The following SPAG16 variants were observed in gnomAD, a reference collection of about 807,000 sequenced individuals.
SPAG16 encodes the protein sperm-associated antigen 16 protein.
SPAG16 carries 86 observed loss-of-function variants against 80.4 expected under a neutral mutation model. The ratio of observed to expected loss-of-function variants is 1.07; its 90% confidence interval spans 0.90 to 1.28. The LOEUF is 1.28. Ranked by LOEUF, SPAG16 falls within the 50% of genes most tolerant of loss-of-function variation. The pLI is 0.00. For synonymous variants in SPAG16, 294 were observed against 265.9 expected, an observed-to-expected ratio of 1.11 and a Z score of -1.03; for missense variants, 870 against 765.3, an observed-to-expected ratio of 1.14 and a Z score of -1.61.
At chr2:213,551,048 C>A (rs62192353) in intron 10 of SPAG16, among the ~76,000 whole-genome samples, 8 of 151,910 alleles carry the variant, frequency 5.3e-5, no homozygotes, top group Non-Finnish European at 1.2e-4. Flanking sequence ...TTTTCCTAAC[C>A]GTAATAGTCA....
intron 10 of SPAG16, among the ~76,000 whole-genome samples, chr2:213,721,347 C>A (rs2125395596): frequency 6.6e-6 from 1 of 152,258 alleles, no homozygotes; most frequent in African/African-American, 2.4e-5. Context: ...GATCTGCACA[C>A]TTCGGCCTCC....
At chr2:213,546,800 G>T (rs981221245) in intron 10 of SPAG16, among the ~76,000 whole-genome samples, 1 of 152,134 alleles carries the variant, frequency 6.6e-6, no homozygotes, top group Non-Finnish European at 1.5e-5. Flanking sequence ...ACTTGTAACG[G>T]TTAGTAGGGG....
chr2:214,296,023 G>A (rs1694105816), intron 15 of SPAG16, among the ~76,000 whole-genome samples: 1 of 152,074 alleles, frequency 6.6e-6, no homozygotes, highest in Admixed American at 6.6e-5. Context: ...GTACCCAATA[G>A]GTAATTTTTC....
intron 10 of SPAG16, among the ~76,000 whole-genome samples, chr2:213,627,848 T>C (rs1385265930): frequency 6.6e-6 from 1 of 152,242 alleles, no homozygotes; most frequent in Admixed American, 6.5e-5. Context: ...AGGTCTTTGG[T>C]CCAGCTATCA....
chr2:214,214,007 G>C (rs1304492613), intron 15 of SPAG16, among the ~76,000 whole-genome samples: 1 of 152,022 alleles, frequency 6.6e-6, no homozygotes, highest in African/African-American at 2.4e-5. Flanking sequence ...TGCCTTTTGT[G>C]ATAGAACTCG....
At chr2:213,652,014 AG>A (rs776495894) in intron 10 of SPAG16, among the ~76,000 whole-genome samples, 7 of 152,266 alleles carry the variant, frequency 4.6e-5, no homozygotes, top group Non-Finnish European at 8.8e-5. Context: ...TGACATTCCA[AG>A]GCAGCTCAGT....
In SPAG16 at chr2:213,331,185, GT is replaced by G. The variant is rs373234426; in HGVS notation, c.537-8977del. The stretch of plus-strand genomic sequence containing the variant: ...TGCCCTTTCCCCAGGGGCCTCAGAA[GT>G]AGGCACTGGTTTGTGCCTTTTCTGC... On this transcript the variant is annotated intron_variant, in intron 5 of 15. Coordinates refer to ENST00000331683, the MANE Select transcript of SPAG16 (RefSeq NM_024532.5). Among the ~76,000 whole-genome samples, 57 of 152,326 alleles carry G rather than the reference GT, an allele frequency of 3.7e-4. 1 individual carries two copies. The East Asian group carries it at 9.8e-3, about 26-fold the overall frequency.
chr2:214,210,839 G>GCGCGCGCA (rs1553528032), intron 15 of SPAG16, among the ~76,000 whole-genome samples: 1 of 149,418 alleles, frequency 6.7e-6, no homozygotes, highest in Non-Finnish European at 1.5e-5. Flanking sequence ...ATGCGCGCGC[G>GCGCGCGCA]CACACACACA....
intron 15 of SPAG16, chr2:214,238,388 G>T: frequency 6.1e-6 from 1 of 165,100 alleles, no homozygotes; most frequent in Non-Finnish European, 1.3e-5. Flanking sequence ...ACTTTATTCA[G>T]GGATTATTTT....
In SPAG16 at chr2:213,471,373, G is replaced by T. The variant is rs772952288; in HGVS notation, c.943-18590G>T. On this transcript the variant is annotated intron_variant, in intron 9 of 15. Transcript: ENST00000331683. The stretch of plus-strand genomic sequence containing the variant: ...CCATTTGATGATGGAATGCTGCTGT[G>T]CGTGCCCCACTTTATGACTAGATGG... 4.9e-4 allele frequency among the ~76,000 whole-genome samples: 74 copies of T among 152,096 alleles called. 1 individual carries two copies. The highest frequency in any genetic ancestry group is 7.3e-5 in the Non-Finnish European group (5 of 68,030).
intron 12 of SPAG16, among the ~76,000 whole-genome samples, chr2:213,955,493 T>C (rs556931018): frequency 6.6e-6 from 1 of 152,324 alleles, no homozygotes; most frequent in South Asian, 2.1e-4. Context: ...CATTTAACTA[T>C]AAATATAGTA....
intron 15 of SPAG16, among the ~76,000 whole-genome samples, chr2:214,245,553 G>A (rs1246745917): frequency 1.3e-5 from 2 of 152,106 alleles, no homozygotes. Context: ...CTTGGAAATA[G>A]TCTGAAACAT....
chr2:213,583,481 G>A (rs371893642), intron 10 of SPAG16, among the ~76,000 whole-genome samples: 4 of 152,254 alleles, frequency 2.6e-5, no homozygotes, highest in East Asian at 3.9e-4. Context: ...ATGACAGAAG[G>A]TAGAAGATGA....
At chr2:213,962,181 G>C (rs907713916) in intron 12 of SPAG16, among the ~76,000 whole-genome samples, 1 of 151,574 alleles carries the variant, frequency 6.6e-6, no homozygotes, top group African/African-American at 2.4e-5. Context: ...CAATAGAACT[G>C]GTATCCTTTT....
At chr2:213,407,429 C>T (rs532361531) in intron 9 of SPAG16, among the ~76,000 whole-genome samples, 7 of 152,030 alleles carry the variant, frequency 4.6e-5, no homozygotes, top group East Asian at 3.9e-4. Context: ...TTGAGCCTTC[C>T]GGGACAGGCA....
intron 10 of SPAG16, among the ~76,000 whole-genome samples, chr2:213,738,336 T>A (rs2067388633): frequency 6.6e-6 from 1 of 152,166 alleles, no homozygotes; most frequent in African/African-American, 2.4e-5. Context: ...AAAATTTAAT[T>A]TATAAATTAG....
rs532053493 is a variant in SPAG16 at position 213,597,879 on chromosome 2, G to T, written c.1070+107789G>T. Reference sequence around the variant, plus strand: ...AGATTTGCATCTGTCGAGAAAATCTGCCTTGATGCAGCCAGGCTTTCTCTG... The same window carrying T: ...AGATTTGCATCTGTCGAGAAAATCTTCCTTGATGCAGCCAGGCTTTCTCTG... On this transcript the variant is annotated intron_variant, in intron 10 of 15. Coordinates refer to ENST00000331683, the MANE Select transcript of SPAG16 (RefSeq NM_024532.5). Among the ~76,000 whole-genome samples the T allele has an allele frequency of 3.9e-5, 6 of 152,286 alleles. 1 individual carries two copies. In the South Asian group the frequency reaches 1.2e-3, roughly 32 times the overall value.
At chr2:213,691,727 C>T (rs143653112) in intron 10 of SPAG16, among the ~76,000 whole-genome samples, 125 of 152,252 alleles carry the variant, frequency 8.2e-4, no homozygotes, top group Middle Eastern at 3.4e-3. Flanking sequence ...ATTTAACATA[C>T]TATATGATTT....
chr2:213,591,836 C>T (rs187366562), intron 10 of SPAG16, among the ~76,000 whole-genome samples: 10 of 152,194 alleles, frequency 6.6e-5, no homozygotes, highest in African/African-American at 2.4e-4. Context: ...CAGACAACAC[C>T]TGTGGGATGG....
Sources: gnomAD v4.1 joint callset for allele counts (sites outside exome capture counted in the v4.1 genomes callset) on GRCh38, gnomAD v4.1.1 for gene constraint, MANE v1.5 for transcripts, NCBI Gene and HGNC (gene_info 2026-07-23, HGNC 2026-07-21) for gene names.